SNAPC4: variants seen among roughly 807,000 people sequenced by gnomAD.
The protein encoded by SNAPC4 is snRNA-activating protein complex subunit 4.
Under a neutral mutation model 151.3 loss-of-function variants are expected in SNAPC4, and 127 were observed. The ratio of observed to expected loss-of-function variants is 0.84; its 90% CI spans 0.73 to 0.97. The LOEUF (loss-of-function observed/expected upper bound fraction) is 0.97. Among genes scored for constraint, SNAPC4 ranks in the 50% least tolerant of loss-of-function variants. SNAPC4 has a pLI of 0.00. For synonymous variants in SNAPC4, 1,002 were observed against 824.4 expected, an observed-to-expected ratio of 1.22 and a Z score of -3.69; for missense variants, 2,186 against 1,935.0, an observed-to-expected ratio of 1.13 and a Z score of -2.43.
chr9:136,381,475 ACG>A, intron 18 of SNAPC4, 83 bp from the exon 19 acceptor site: 1 of 1,313,020 alleles, frequency 7.6e-7, no homozygotes, highest in Admixed American at 1.8e-5. Context: ...CCCAGCTCCC[ACG>A]TGCCTTTCGA....
chr9:136,378,756 C>A lies in SNAPC4; in HGVS notation c.3071G>T (p.Gly1024Val). The A allele has an allele frequency of 6.5e-7, 1 of 1,531,904 alleles. No homozygotes were observed. The highest frequency in any genetic ancestry group is 8.8e-7 in the Non-Finnish European group (1 of 1,138,908). The allele number at this position is 1,531,904 out of a possible 1,614,324, so 94.9% of individuals were successfully genotyped here. The change falls in exon 22 of 24, where the codon GGA becomes GTA. Residue 1024 changes from glycine (G) to valine (V), a missense_variant. Transcript: ENST00000684778. The part of the protein sequence containing the change: ...ISVSCPESGL[G>V]QSQAPAASRK... ...GGATGCAGCGGGGGCCTGAGACTGT[C>A]CGAGACCACTCTCGGGGCAGCTCAC... is the stretch of plus-strand genomic sequence containing the variant.
At chr9:136,386,896 G>A (rs1357300322) in intron 13 of SNAPC4, among the ~76,000 whole-genome samples, 1 of 152,082 alleles carries the variant, frequency 6.6e-6, no homozygotes, top group East Asian at 1.9e-4. Flanking sequence ...GGGATTACAG[G>A]CGCCACCCCC....
intron 19 of SNAPC4, 132 bp downstream of exon 19, chr9:136,381,189 GA>G: frequency 1.3e-6 from 1 of 760,012 alleles, no homozygotes; most frequent in Non-Finnish European, 2.3e-6. Flanking sequence ...TGTAAGGCAT[GA>G]AAAGTGCATT....
intron 22 of SNAPC4, among the ~76,000 whole-genome samples, chr9:136,376,994 A>C (rs1452565252): frequency 6.6e-6 from 1 of 152,196 alleles, no homozygotes; most frequent in African/African-American, 2.4e-5. Context: ...GCACCCTGGC[A>C]CCAGGGGAGG....
At chr9:136,390,076 A>AAGACAGAGTGGAAGGAAAAG (rs1834015335) in intron 10 of SNAPC4, among the ~76,000 whole-genome samples, 2 of 152,152 alleles carry the variant, frequency 1.3e-5, no homozygotes, top group South Asian at 4.1e-4. Context: ...TCAAACCAGC[A>AAGACAGAGTGGAAGGAAAAG]AGACAGAGTG....
Position 136,383,476 on chromosome 9 carries a change from T to G in SNAPC4, c.1693A>C (p.Met565Leu). The G allele has an allele frequency of 1.3e-6, 2 of 1,566,234 alleles. No homozygotes were observed. The highest frequency in any genetic ancestry group is 1.4e-5 in the African/African-American group (1 of 73,790). The change falls in exon 16 of 24, where the codon ATG becomes CTG. Residue 565 changes from methionine (M) to leucine (L), a missense_variant. By Grantham distance (15) the Met-to-Leu change is conservative. Transcript: ENST00000684778. The surrounding 1 kb of genome is among the most constrained non-coding windows in gnomAD (Gnocchi z 4.2). ...ACCCACAGGTCCATGTCCGGGACCATGTACTGTGGGGACAGCAGCGCTCTG... is the reference window on the plus strand; with the variant it reads ...ACCCACAGGTCCATGTCCGGGACCAGGTACTGTGGGGACAGCAGCGCTCTG... ...GDRALLSPQY[M>L]VPDMDLWVPA... is the part of the protein sequence containing the mutation.
intron 9 of SNAPC4, among the ~76,000 whole-genome samples, chr9:136,392,317 A>C (rs1473191934): frequency 6.6e-6 from 1 of 152,096 alleles, no homozygotes; most frequent in Non-Finnish European, 1.5e-5. Flanking sequence ...CCATCTCAGA[A>C]AGGGCCGTGC....
At chr9:136,386,201 A>G (rs1004910866) in intron 13 of SNAPC4, among the ~76,000 whole-genome samples, 2 of 149,608 alleles carry the variant, frequency 1.3e-5, no homozygotes, top group Non-Finnish European at 3.0e-5. Context: ...TTTGACTTGC[A>G]CTTCCCTAAT....
intron 2 of SNAPC4, among the ~76,000 whole-genome samples, chr9:136,397,259 G>T (rs1834305766): frequency 6.6e-6 from 1 of 152,162 alleles, no homozygotes; most frequent in African/African-American, 2.4e-5. Flanking sequence ...CAGGCACACA[G>T]GACAAAGCTA....
intron 10 of SNAPC4, among the ~76,000 whole-genome samples, chr9:136,388,868 T>C (rs557095196): frequency 1.3e-5 from 2 of 152,342 alleles, no homozygotes; most frequent in East Asian, 3.9e-4. Context: ...ATAGGTAAAC[T>C]GATATGACTC....
chr9:136,383,559 CTG>C lies in SNAPC4; in HGVS notation c.1608_1609del (p.Ser536ArgfsTer20). ...GTCCTCCTCGCTGCTGCTGCTGCTG[CTG>C]CTGCTGCTCCCTCCACTGCTGCCAC... On this transcript the variant is annotated frameshift_variant, in exon 16 of 24. Transcript: ENST00000684778. LOFTEE classifies it high-confidence loss of function. This position sits in a 1 kb window ranked among gnomAD's most constrained non-coding sequence, Gnocchi z 4.2. 1 of 1,607,068 alleles carries C rather than the reference CTG, an allele frequency of 6.2e-7. No individual in the cohort carries two copies. Among genetic ancestry groups the C allele is most frequent in the Non-Finnish European group, 8.5e-7 (1 of 1,177,442 alleles).
chr9:136,398,793 G>C (rs895648665), intron 1 of SNAPC4: 1 of 219,014 alleles, frequency 4.6e-6, no homozygotes, highest in African/African-American at 2.2e-5. Context: ...CAGCGTAGAA[G>C]GTGTGGGGTG....
rs1588761180 is a variant in SNAPC4 at position 136,391,843 on chromosome 9, G to GCGAGCAC, written c.975+98_975+99insGTGCTCG. 3 of 1,306,226 alleles carry GCGAGCAC rather than the reference G, an allele frequency of 2.3e-6. No individual in the cohort carries two copies. The East Asian group carries it at 7.1e-5, about 31-fold the overall frequency. The allele number at this position is 1,306,226 out of a possible 1,614,324, so 80.9% of individuals were successfully genotyped here. A position where few individuals can be genotyped will look rare whatever the true frequency, so the allele number is the denominator to read the frequency against. On this transcript the variant is annotated intron_variant, in intron 10 of 23. Coordinates refer to ENST00000684778, the MANE Select transcript of SNAPC4 (RefSeq NM_003086.4). Reference sequence around the variant, plus strand: ...GCAACACATAGAAACCTGGCGGTGAGTGAGCACTGGGGACCCCGCACCCGT... The same window carrying GCGAGCAC: ...GCAACACATAGAAACCTGGCGGTGAGCGAGCACTGAGCACTGGGGACCCCGCACCCGT...
chr9:136,387,460 C>T (rs1228601530), intron 13 of SNAPC4, 25 bp downstream of exon 13: 2 of 1,539,852 alleles, frequency 1.3e-6, no homozygotes, highest in African/African-American at 2.7e-5. Context: ...CGGGCCCCTC[C>T]CTCGCTCAGC....
chr9:136,386,102 C>A (rs183710153), intron 13 of SNAPC4, among the ~76,000 whole-genome samples: 5 of 151,652 alleles, frequency 3.3e-5, no homozygotes, highest in African/African-American at 1.2e-4. Flanking sequence ...CATTTTACAA[C>A]GCACAAAGGT....
At chr9:136,387,634 C>T in intron 12 of SNAPC4, 55 bp from the exon 13 acceptor site, 1 of 1,454,678 alleles carries the variant, frequency 6.9e-7, no homozygotes, top group African/African-American at 1.4e-5. Context: ...GCTGCAGCCT[C>T]CCCACCCTGA....
rs542435446 is a variant in SNAPC4 at position 136,379,262 on chromosome 9, T to C, written c.2565A>G (p.Ser855=). ...GGCTCCCTTTGTGGCTGGCACTCTT[T>C]GAGGCTTCTTGAGCCGGCACGTTTG... ...LFPNVPAQEA[S]KSASHKGSRR... Residue 855 remains serine (S), a synonymous_variant, in exon 22 of 24, where the codon TCA becomes TCG. Transcript: ENST00000684778. The C allele has an allele frequency of 4.0e-5, 65 of 1,612,602 alleles. No homozygotes were observed. The South Asian group carries it at 6.9e-4, about 17-fold the overall frequency.
intron 20 of SNAPC4, among the ~76,000 whole-genome samples, chr9:136,380,178 G>A (rs1486041096): frequency 6.6e-6 from 1 of 152,160 alleles, no homozygotes; most frequent in Non-Finnish European, 1.5e-5. Flanking sequence ...AGGGGACGTT[G>A]TCGTGCCCTG....
At chr9:136,376,250 G>A in intron 23 of SNAPC4, 99 bp downstream of exon 23, 4 of 1,426,784 alleles carry the variant, frequency 2.8e-6, no homozygotes, top group Non-Finnish European at 3.8e-6. Flanking sequence ...CACCTGCTGT[G>A]AGCGCCAAAG....
Sources: gnomAD v4.1 joint callset for allele counts (sites outside exome capture counted in the v4.1 genomes callset) on GRCh38, gnomAD v4.1.1 for gene constraint, Gnocchi (gnomAD v3.1) non-coding constraint, MANE v1.5 for transcripts, NCBI Gene and HGNC (gene_info 2026-07-23, HGNC 2026-07-21) for gene names.